LRRC43: variants seen among roughly 807,000 people sequenced by gnomAD.
The protein encoded by LRRC43 is leucine-rich repeat-containing protein 43.
LRRC43 carries 62 observed loss-of-function variants against 64.3 expected under a neutral mutation model. That is an observed-to-expected ratio of 0.96 (90% CI 0.79 to 1.19). LRRC43 has a LOEUF of 1.19. Among genes scored for constraint, LRRC43 ranks in the 50% most tolerant of loss-of-function variants. The pLI, the probability that LRRC43 is intolerant of heterozygous loss-of-function variation, is 0.00. For synonymous variants in LRRC43, 422 were observed against 382.3 expected (o/e 1.10, Z -1.21); for missense variants, 868 against 845.0 (o/e 1.03, Z -0.34).
chr12:122,200,318 C>A lies in LRRC43; in HGVS notation c.1479C>A (p.Ile493=). The change falls in exon 8 of 12, where the codon ATC becomes ATA. Residue 493 remains isoleucine (I), a synonymous_variant. Transcript: ENST00000339777. The surrounding 1 kb of genome is among the most constrained non-coding windows in gnomAD (Gnocchi z 4.6). ...AFLLAGTTVT[I]VEEKILSWPV... The stretch of plus-strand genomic sequence containing the variant: ...TGCTGGCGGGGACCACCGTGACCAT[C>A]GTGGAGGAGAAGGTGGGCAGGCGGA... The A allele has an allele frequency of 6.2e-7, 1 of 1,610,946 alleles. No individual in the cohort carries two copies. Among genetic ancestry groups the A allele is most frequent in the Non-Finnish European group, 8.5e-7 (1 of 1,179,876 alleles).
At chr12:122,187,919 G>A in intron 4 of LRRC43, 79 bp downstream of exon 4, 2 of 1,479,384 alleles carry the variant, frequency 1.4e-6, no homozygotes, top group Non-Finnish European at 1.9e-6. Flanking sequence ...AGTGGCTTGA[G>A]AACTCAGCTT....
intron 7 of LRRC43, among the ~76,000 whole-genome samples, chr12:122,197,598 C>G (rs1953785209): frequency 6.6e-6 from 1 of 152,006 alleles, no homozygotes; most frequent in African/African-American, 2.4e-5. Context: ...GAAAATGGAC[C>G]ATTTAAACTG....
rs199533998 is a variant in LRRC43 at position 122,190,192 on chromosome 12, C to T, written c.725C>T (p.Thr242Ile). The T allele has an allele frequency of 4.7e-4, 757 of 1,614,176 alleles. 1 individual carries two copies. Among genetic ancestry groups the T allele is most frequent in the Non-Finnish European group, 6.2e-4 (727 of 1,180,036 alleles). ...CTGACAGACCTGCAGAGCATGGTCA[C>T]CAGCCTGAGGACCCTCCGGCACCTG... is the stretch of plus-strand genomic sequence containing the variant. Reference protein sequence around the residue: ...NDLTDLQSMVTSLRTLRHLRL... With the variant: ...NDLTDLQSMVISLRTLRHLRL... Residue 242 changes from threonine to isoleucine, a missense_variant, in exon 5 of 12, where the codon ACC becomes ATC. Transcript: ENST00000339777.
At position 122,174,220 on chromosome 12, in the gene LRRC43, T is replaced by A. The variant is rs747776173; in HGVS notation, c.-406+6438T>A. The A allele has an allele frequency of 2.5e-6, 4 of 1,612,874 alleles. No individual in the cohort carries two copies. In the East Asian group the frequency reaches 8.9e-5, roughly 36 times the overall value. On this transcript the variant is annotated intron_variant, in intron 1 of 5. Transcript: ENST00000537729. ...TTCAGTGGGGGCTTCTGGAGCCAGA[T>A]GTGTTCGCCATGGCTGCCTGGAGGT...
At chr12:122,197,529 G>A (rs1358790220) in intron 7 of LRRC43, among the ~76,000 whole-genome samples, 2 of 152,040 alleles carry the variant, frequency 1.3e-5, no homozygotes, top group African/African-American at 2.4e-5. Flanking sequence ...AGGTGCCTGA[G>A]TCGTGAGGTT....
chr12:122,177,781 C>G (rs141540877), intron 1 of LRRC43, among the ~76,000 whole-genome samples: 4 of 151,770 alleles, frequency 2.6e-5, no homozygotes, highest in African/African-American at 9.7e-5. Flanking sequence ...GGATCACAGG[C>G]GTGAGCCACT....
chr12:122,200,093 G>C lies in LRRC43; in HGVS notation c.1350-96G>C. On this transcript the variant is annotated intron_variant, in intron 7 of 11. Coordinates refer to ENST00000339777, the MANE Select transcript of LRRC43 (RefSeq NM_001098519.2). This position sits in a 1 kb window ranked among gnomAD's most constrained non-coding sequence, Gnocchi z 4.6. Reference sequence around the variant, plus strand: ...ATGCTGTTTGTGGGCTTCGATGCTCGTGGTCTCCTCGGATGTCCCCTCACA... The same window carrying C: ...ATGCTGTTTGTGGGCTTCGATGCTCCTGGTCTCCTCGGATGTCCCCTCACA... 5.2e-6 allele frequency: 7 copies of C among 1,352,366 alleles called. No homozygotes were observed. The highest frequency in any genetic ancestry group is 7.1e-6 in the Non-Finnish European group (7 of 980,280). 83.8% of individuals were successfully genotyped at this position (1,352,366 alleles called of 1,614,324 possible).
chr12:122,191,936 C>T (rs183884829), intron 6 of LRRC43, among the ~76,000 whole-genome samples: 7 of 152,150 alleles, frequency 4.6e-5, no homozygotes, highest in Admixed American at 2.0e-4. Context: ...TGTGAGCCAC[C>T]GCGCTGGCCA....
chr12:122,178,530 G>A (rs1953556040), upstream of LRRC43, among the ~76,000 whole-genome samples: 1 of 151,734 alleles, frequency 6.6e-6, no homozygotes, highest in African/African-American at 2.4e-5. Flanking sequence ...ATGAAGAGGT[G>A]TGGATGGGTT....
chr12:122,186,019 T>C (rs1953638879), intron 2 of LRRC43, among the ~76,000 whole-genome samples, 171 bp from the exon 3 acceptor site: 2 of 151,246 alleles, frequency 1.3e-5, no homozygotes, highest in South Asian at 4.2e-4. Context: ...GAGAGGCTCT[T>C]GGATCCTGGC....
chr12:122,179,097 GTTTTC>G (rs1953561021), upstream of LRRC43, among the ~76,000 whole-genome samples: 1 of 151,926 alleles, frequency 6.6e-6, no homozygotes, highest in African/African-American at 2.4e-5. Flanking sequence ...GTTTGGTTTG[GTTTTC>G]TTTTCTTTAA....
chr12:122,183,044 C>G (rs535982198), upstream of LRRC43: 48 of 1,442,588 alleles, frequency 3.3e-5, 1 homozygote, highest in Admixed American at 1.3e-3. Flanking sequence ...GCTGTCTGAT[C>G]CGGATGGGGG....
intron 1 of LRRC43, among the ~76,000 whole-genome samples, chr12:122,168,316 C>T (rs1254793396): frequency 6.6e-6 from 1 of 151,594 alleles, no homozygotes; most frequent in Admixed American, 6.6e-5. Context: ...TGGTGCATGC[C>T]TGTAATCCCA....
upstream of LRRC43, among the ~76,000 whole-genome samples, chr12:122,181,154 G>C (rs757309765): frequency 6.6e-6 from 1 of 151,430 alleles, no homozygotes; most frequent in African/African-American, 2.4e-5. Flanking sequence ...GGAGGTCCAG[G>C]CTTCAGTGAC....
At chr12:122,174,242 A>C (rs1953517710) in intron 1 of LRRC43, 1 of 1,563,194 alleles carries the variant, frequency 6.4e-7, no homozygotes, top group African/African-American at 1.4e-5. Context: ...GGCTGCCTGG[A>C]GGTATATAAA....
At chr12:122,179,989 G>T (rs1415428567), upstream of LRRC43, among the ~76,000 whole-genome samples, 1 of 144,518 alleles carries the variant, frequency 6.9e-6, no homozygotes. Flanking sequence ...AAAAAAAAAA[G>T]AGAGAGAGAA....
chr12:122,180,202 T>A (rs1953570364), upstream of LRRC43, among the ~76,000 whole-genome samples: 1 of 151,754 alleles, frequency 6.6e-6, no homozygotes, highest in Admixed American at 6.6e-5. Context: ...AGTTATATTG[T>A]GGTGGTTTGG....
intron 3 of LRRC43, chr12:122,187,459 A>C: frequency 2.2e-6 from 1 of 457,598 alleles, no homozygotes; most frequent in East Asian, 3.8e-5. Flanking sequence ...CTGCCAATCC[A>C]GCATCACCCC....
Position 122,184,762 on chromosome 12 carries a change from C to T in LRRC43, c.394C>T (p.Arg132Trp), listed in dbSNP as rs752737247. The change falls in exon 2 of 12, where the codon CGG (arginine) becomes TGG (tryptophan). Residue 132 changes from arginine (R) to tryptophan (W), a missense_variant. Coordinates refer to ENST00000339777, the MANE Select transcript of LRRC43 (RefSeq NM_001098519.2). This position sits in a 1 kb window ranked among gnomAD's most constrained non-coding sequence, Gnocchi z 4.0. ...CTTCTACTCCTACTTCCGGTCCCTG[C>T]GGGTAATAGACAAGAAGGTCAGTGC... is the stretch of plus-strand genomic sequence containing the variant. ...TFFYSYFRSL[R>W]VIDKKVTLVD... 143 of 1,604,538 alleles carry T rather than the reference C, an allele frequency of 8.9e-5. No individual in the cohort carries two copies. Among genetic ancestry groups the T allele is most frequent in the South Asian group, 4.7e-4 (42 of 89,616 alleles).
Sources: gnomAD v4.1 joint callset for allele counts (sites outside exome capture counted in the v4.1 genomes callset) on GRCh38, gnomAD v4.1.1 for gene constraint, Gnocchi (gnomAD v3.1) non-coding constraint, MANE v1.5 for transcripts, NCBI Gene and HGNC (gene_info 2026-07-23, HGNC 2026-07-21) for gene names.